Variants in DNAH17 observed in about 807,000 individuals in gnomAD.
The protein encoded by DNAH17 is dynein axonemal heavy chain 17.
A neutral mutation model predicts 485.6 loss-of-function variants in DNAH17; 376 were observed. That is an observed-to-expected ratio of 0.77 (90% CI 0.71 to 0.84). The LOEUF (loss-of-function observed/expected upper bound fraction) is 0.84. Ranked by LOEUF, DNAH17 falls within the 40% of genes least tolerant of loss-of-function variation. The pLI is 0.00. For synonymous variants in DNAH17, 3,031 were observed against 2,405.9 expected (o/e 1.26, Z -7.60); for missense variants, 6,370 against 5,839.3 (o/e 1.09, Z -2.96).
At chr17:78,472,701 GGTCACGCAC>G (rs2088821177) in intron 54 of DNAH17, 8 of 454,458 alleles carry the variant, frequency 1.8e-5, no homozygotes, top group African/African-American at 1.6e-4. Context: ...GAGTCCCCGA[GGTCACGCAC>G]GCTGTCTCGG....
At chr17:78,512,980 G>A (rs1371576345) in intron 26 of DNAH17, among the ~76,000 whole-genome samples, 1 of 147,936 alleles carries the variant, frequency 6.8e-6, no homozygotes, top group Non-Finnish European at 1.5e-5. Flanking sequence ...AATGGAGACA[G>A]CTTCAGCCCC....
chr17:78,480,861 A>G (rs1242233784), intron 48 of DNAH17, 75 bp from the exon 49 acceptor site: 2 of 978,134 alleles, frequency 2.0e-6, no homozygotes, highest in Non-Finnish European at 3.2e-6. Flanking sequence ...TGTGCTCCCA[A>G]GAATGCCCTC....
rs1248983917 is a variant in DNAH17 at position 78,507,532 on chromosome 17, T to G, written c.4510A>C (p.Ile1504Leu). 1 of 1,614,034 alleles carries G rather than the reference T, an allele frequency of 6.2e-7. No individual in the cohort carries two copies. The highest frequency in any genetic ancestry group is 8.5e-7 in the Non-Finnish European group (1 of 1,179,894). The change falls in exon 28 of 81, where the codon ATC becomes CTC. Residue 1504 changes from isoleucine (I) to leucine (L), a missense_variant. Coordinates refer to ENST00000389840, the MANE Select transcript of DNAH17 (RefSeq NM_173628.4). ...TGGGTGCGGATGTCTTCGGAGCCGA[T>G]GAAGATGCTCTCCAGGTGGCTCCAG... is the stretch of plus-strand genomic sequence containing the variant. The part of the protein sequence containing the change: ...RTWSHLESIF[I>L]GSEDIRTQLP...
rs1218925624 is a variant in DNAH17, at chr17:78,575,084, T to C, written c.-25-2A>G. 6.4e-7 allele frequency: 1 copy of C among 1,569,620 alleles called. No individual in the cohort carries two copies. Among genetic ancestry groups the C allele is most frequent in the Non-Finnish European group, 8.7e-7 (1 of 1,151,256 alleles). ...TTGGCCTTTCCTTACACTGTGTATC[T>C]GTTAAGAGTGCAAGAAACAGGTACG... On this transcript the variant is annotated splice_acceptor_variant, in intron 1 of 80. Coordinates refer to ENST00000389840, the MANE Select transcript of DNAH17 (RefSeq NM_173628.4). LOFTEE classifies it low-confidence loss of function (5UTR_SPLICE).
In DNAH17 at chr17:78,552,713, T is replaced by C. The variant is rs575156019; in HGVS notation, c.2271A>G (p.Leu757=). 1 of 1,613,852 alleles carries C rather than the reference T, an allele frequency of 6.2e-7. No homozygotes were observed. Among genetic ancestry groups the C allele is most frequent in the Non-Finnish European group, 8.5e-7 (1 of 1,179,744 alleles). ...CCTCCGTACCTTCGCCATTCCAGAA[T>C]AATGTCGTTTCAGCGCTCAATAACT... ...DVKLLSAETT[L]FWNGEGVFQY... is the part of the protein sequence containing the mutation. The change falls in exon 15 of 81, where the codon TTA becomes TTG. Residue 757 remains leucine (L), a synonymous_variant. Transcript: ENST00000389840.
intron 48 of DNAH17, among the ~76,000 whole-genome samples, chr17:78,482,076 T>C (rs1321038041): frequency 7.2e-6 from 1 of 139,842 alleles, no homozygotes; most frequent in African/African-American, 3.2e-5. Flanking sequence ...GTTACTTTTT[T>C]TTTTTTTTTT....
chr17:78,523,416 G>A (rs144481995), intron 25 of DNAH17, among the ~76,000 whole-genome samples: 9,234 of 152,118 alleles, frequency 0.061, 380 homozygotes, highest in South Asian at 0.13. Flanking sequence ...GAGCCACCCC[G>A]CCTGGCCTCC....
intron 13 of DNAH17, among the ~76,000 whole-genome samples, chr17:78,559,410 T>TA (rs779956417): frequency 1.3e-5 from 2 of 152,174 alleles, no homozygotes; most frequent in Admixed American, 6.5e-5. Flanking sequence ...CACCTGACCC[T>TA]AAAACATTGG....
At chr17:78,505,609 C>T (rs147967595) in intron 30 of DNAH17, among the ~76,000 whole-genome samples, 164 bp from the exon 31 acceptor site, 19 of 152,254 alleles carry the variant, frequency 1.2e-4, no homozygotes, top group South Asian at 4.1e-4. Flanking sequence ...AAGGAACCAG[C>T]GAAGACTGCT....
intron 17 of DNAH17, chr17:78,543,611 G>C (rs1453033666): frequency 3.6e-6 from 2 of 555,888 alleles, no homozygotes; most frequent in Non-Finnish European, 6.4e-6. Flanking sequence ...TTTTAGTAAA[G>C]GCAGGGTTTC....
intron 16 of DNAH17, among the ~76,000 whole-genome samples, chr17:78,551,330 C>G: frequency 6.6e-6 from 1 of 152,210 alleles, no homozygotes; most frequent in East Asian, 1.9e-4. Flanking sequence ...CAGAATGGAG[C>G]AGAACTGAAT....
chr17:78,550,022 G>A (rs1006409775), intron 16 of DNAH17, among the ~76,000 whole-genome samples: 54 of 152,292 alleles, frequency 3.5e-4, no homozygotes, highest in African/African-American at 1.2e-3. Context: ...TGAAGAGATC[G>A]AGAAGCCACA....
intron 63 of DNAH17, among the ~76,000 whole-genome samples, chr17:78,455,235 G>A (rs1446228454): frequency 6.6e-6 from 1 of 151,572 alleles, no homozygotes; most frequent in South Asian, 2.1e-4. Context: ...CATCCCCAAA[G>A]GGGCCTGAGC....
chr17:78,449,688 G>A (rs1473559734), intron 68 of DNAH17, 104 bp from the exon 69 acceptor site: 2 of 1,220,210 alleles, frequency 1.6e-6, no homozygotes, highest in African/African-American at 1.5e-5. Context: ...AGTTTGTTTT[G>A]TTTCTTTGAG....
Position 78,423,964 on chromosome 17 carries a change from G to A in DNAH17, c.13331C>T (p.Thr4444Ile), listed in dbSNP as rs2086243130. ...PTYVWTFNLK[T>I]KEKAAKWILA... The stretch of plus-strand genomic sequence containing the variant: ...GATCCACTTCGCTGCCTTCTCTTTG[G>A]TCTTCAAGTTAAAGGTCCAGACATA... Residue 4444 changes from threonine (T) to isoleucine (I), a missense_variant, in exon 81 of 81, where the codon ACC (threonine) becomes ATC (isoleucine). Physicochemically the swap from Thr to Ile is moderately conservative, Grantham distance 89. Coordinates refer to ENST00000389840, the MANE Select transcript of DNAH17 (RefSeq NM_173628.4). 6.2e-7 allele frequency: 1 copy of A among 1,613,914 alleles called. No individual in the cohort carries two copies. Among genetic ancestry groups the A allele is most frequent in the South Asian group, 1.1e-5 (1 of 91,088 alleles).
chr17:78,547,201 G>A (rs1207404742), intron 16 of DNAH17, among the ~76,000 whole-genome samples: 1 of 152,166 alleles, frequency 6.6e-6, no homozygotes, highest in Non-Finnish European at 1.5e-5. Flanking sequence ...TGGTACTCTA[G>A]AATGTGGTTG....
At chr17:78,516,691 GAAAAAAA>G (rs1168693263) in intron 25 of DNAH17, among the ~76,000 whole-genome samples, 9 of 88,720 alleles carry the variant, frequency 1.0e-4, no homozygotes, top group Admixed American at 2.4e-4. Context: ...CTCCATCTCA[GAAAAAAA>G]AAAAAAAAAA....
At chr17:78,429,775 G>A (rs988268235) in intron 75 of DNAH17, among the ~76,000 whole-genome samples, 21 of 152,206 alleles carry the variant, frequency 1.4e-4, no homozygotes, top group African/African-American at 5.1e-4. Context: ...TGACTCCAGT[G>A]CCGTCAACCT....
chr17:78,506,156 T>TTTA (rs1555678480), intron 30 of DNAH17, among the ~76,000 whole-genome samples: 7 of 149,328 alleles, frequency 4.7e-5, no homozygotes, highest in African/African-American at 1.7e-4. Context: ...TTTTTTTTTT[T>TTTA]TTGAGACAGA....
Sources: gnomAD v4.1 joint callset for allele counts (sites outside exome capture counted in the v4.1 genomes callset) on GRCh38, gnomAD v4.1.1 for gene constraint, MANE v1.5 for transcripts, NCBI Gene and HGNC (gene_info 2026-07-23, HGNC 2026-07-21) for gene names.